The following SLC4A5 variants were observed in gnomAD, a reference collection of about 807,000 sequenced individuals.
SLC4A5 encodes the protein electrogenic sodium bicarbonate cotransporter 4.
SLC4A5 carries 96 observed loss-of-function variants against 120.4 expected under a neutral mutation model. The ratio of observed to expected loss-of-function variants is 0.80; its 90% CI spans 0.68 to 0.94. The LOEUF is 0.94. SLC4A5 is among the 40% of genes least tolerant of loss of function. SLC4A5 has a pLI of 0.00. For missense variants in SLC4A5, 1,259 were observed against 1,459.5 expected (o/e 0.86, Z 2.24); for synonymous variants, 550 against 571.1 (o/e 0.96, Z 0.53).
chr2:74,336,471 A>T (rs2104352194), intron 3 of SLC4A5, among the ~76,000 whole-genome samples: 1 of 152,316 alleles, frequency 6.6e-6, no homozygotes, highest in Non-Finnish European at 1.5e-5. Context: ...TGGTTTCCTC[A>T]TCTGTAAAAT....
At chr2:74,224,675 C>T (rs1405575693) in intron 28 of SLC4A5, among the ~76,000 whole-genome samples, 165 bp downstream of exon 28, 1 of 152,100 alleles carries the variant, frequency 6.6e-6, no homozygotes, top group African/African-American at 2.4e-5. Context: ...ACAGAAGAGC[C>T]CTCAACACCC....
At chr2:74,260,707 C>G (rs1326843572) in intron 11 of SLC4A5, among the ~76,000 whole-genome samples, 1 of 152,180 alleles carries the variant, frequency 6.6e-6, no homozygotes, top group Non-Finnish European at 1.5e-5. Context: ...CCCTTCCTCT[C>G]CATTCTGGAA....
chr2:74,241,183 T>C (rs1449205252), intron 20 of SLC4A5, among the ~76,000 whole-genome samples: 5 of 152,078 alleles, frequency 3.3e-5, no homozygotes, highest in Non-Finnish European at 7.4e-5. Context: ...CAGGCTTTGC[T>C]TACAGCTTTG....
At chr2:74,220,661 C>T (rs1267815279) in intron 30 of SLC4A5, among the ~76,000 whole-genome samples, 5 of 150,522 alleles carry the variant, frequency 3.3e-5, no homozygotes, top group East Asian at 1.9e-4. Context: ...GGACTACAGG[C>T]GCCCACCACC....
chr2:74,252,300 C>A, exon 16 of SLC4A5: 1 of 1,612,840 alleles, frequency 6.2e-7, no homozygotes, highest in Non-Finnish European at 8.5e-7. Flanking sequence ...CCACCACCAC[C>A]ACCTCCATTG....
At chr2:74,326,090 C>G (rs1332476446) in intron 5 of SLC4A5, among the ~76,000 whole-genome samples, 1 of 152,110 alleles carries the variant, frequency 6.6e-6, no homozygotes, top group African/African-American at 2.4e-5. Flanking sequence ...CACAAGACTT[C>G]CCTGGTATTA....
exon 31 of SLC4A5, chr2:74,218,518 G>A (rs547118624): frequency 7.2e-5 from 11 of 152,202 alleles, no homozygotes; most frequent in South Asian, 6.2e-4. Context: ...ATAGGCAGAC[G>A]GACTCCCTCT....
chr2:74,317,157 C>A (rs1672990001), intron 5 of SLC4A5, among the ~76,000 whole-genome samples: 1 of 152,200 alleles, frequency 6.6e-6, no homozygotes, highest in Admixed American at 6.5e-5. Flanking sequence ...TCTGATCTAA[C>A]CCTGAGGCTA....
At position 74,303,117 on chromosome 2, in the gene SLC4A5, C is replaced by CGT. The variant is rs112916158; in HGVS notation, c.271+1370_271+1371dup. ...TGCCTGTGCATGTGGTGTGTGTGTGCGTGTGTGTGTGTGTGTGTGTTGTAT... is the reference window on the plus strand; with the variant it reads ...TGCCTGTGCATGTGGTGTGTGTGTGCGTGTGTGTGTGTGTGTGTGTGTTGTAT... On this transcript the variant is annotated intron_variant, in intron 7 of 30. Transcript: ENST00000394019. Among the ~76,000 whole-genome samples, 744 of 143,250 alleles carry CGT rather than the reference C, an allele frequency of 5.2e-3. 7 individuals carry two copies. Among genetic ancestry groups the CGT allele is most frequent in the African/African-American group, 0.015 (579 of 38,936 alleles). 94.0% of individuals were successfully genotyped at this position (143,250 alleles called of 152,430 possible).
chr2:74,287,984 A>G (rs1417280934), intron 7 of SLC4A5, among the ~76,000 whole-genome samples: 2 of 152,044 alleles, frequency 1.3e-5, no homozygotes, highest in African/African-American at 4.8e-5. Context: ...CTCCTTGCCC[A>G]ATCAGTTCCC....
At chr2:74,260,663 C>T (rs1671106669) in intron 11 of SLC4A5, among the ~76,000 whole-genome samples, 1 of 152,096 alleles carries the variant, frequency 6.6e-6, no homozygotes, top group South Asian at 2.1e-4. Context: ...TCCTCACCTC[C>T]TACTTCCCAC....
At chr2:74,336,771 A>G (rs548492220) in intron 3 of SLC4A5, among the ~76,000 whole-genome samples, 1 of 152,308 alleles carries the variant, frequency 6.6e-6, no homozygotes, top group South Asian at 2.1e-4. Context: ...CTTGTATAAG[A>G]TATTTTTATA....
chr2:74,236,096 A>G (rs1372809973), intron 21 of SLC4A5, among the ~76,000 whole-genome samples: 1 of 152,208 alleles, frequency 6.6e-6, no homozygotes, highest in Non-Finnish European at 1.5e-5. Context: ...GAGGAAAAGC[A>G]AAGTCTCCCA....
chr2:74,327,413 T>C (rs1673242324), intron 5 of SLC4A5, among the ~76,000 whole-genome samples: 1 of 152,190 alleles, frequency 6.6e-6, no homozygotes, highest in Non-Finnish European at 1.5e-5. Flanking sequence ...CACGGGGTCA[T>C]GCTGGGCTTT....
At chr2:74,306,642 T>C in intron 6 of SLC4A5, 2 of 476,722 alleles carry the variant, frequency 4.2e-6, no homozygotes, top group Non-Finnish European at 7.1e-6. Context: ...CAAGGTTTGA[T>C]AGTTCATTTC....
intron 6 of SLC4A5, among the ~76,000 whole-genome samples, chr2:74,313,397 T>C (rs13411120): frequency 0.01 from 1,538 of 152,314 alleles, 15 homozygotes; most frequent in African/African-American, 0.019. Context: ...AAGTTGAATA[T>C]GCTTTAGAGA....
chr2:74,267,033 G>A (rs1671322653), intron 8 of SLC4A5, among the ~76,000 whole-genome samples: 1 of 152,122 alleles, frequency 6.6e-6, no homozygotes, highest in African/African-American at 2.4e-5. Context: ...ATCCTGAGAA[G>A]AAATGAAGAT....
Position 74,315,086 on chromosome 2 carries a change from G to A in SLC4A5, c.-2-61C>T, listed in dbSNP as rs752535604. Reference sequence around the variant, plus strand: ...ACATTAAAAAGGGTAGGATTTCAAGGAGAAATGGTCAAATCCACAGTCATA... The same window carrying A: ...ACATTAAAAAGGGTAGGATTTCAAGAAGAAATGGTCAAATCCACAGTCATA... On this transcript the variant is annotated intron_variant, in intron 5 of 30. Transcript: ENST00000394019. 8 of 1,386,558 alleles carry A rather than the reference G, an allele frequency of 5.8e-6. No homozygotes were observed. The Admixed American group carries it at 8.4e-5, about 15-fold the overall frequency. The allele number at this position is 1,386,558 out of a possible 1,614,324, so 85.9% of individuals were successfully genotyped here.
chr2:74,284,130 G>A lies in SLC4A5; in HGVS notation c.401+1643C>T, dbSNP rs554495178. Among the ~76,000 whole-genome samples, 5 of 150,574 alleles carry A rather than the reference G, an allele frequency of 3.3e-5. No individual in the cohort carries two copies. In the East Asian group the frequency reaches 5.8e-4, roughly 17 times the overall value. On this transcript the variant is annotated intron_variant, in intron 8 of 30. Transcript: ENST00000394019. ...CTCAAAATGTTGGCATTACAGGCATGAGCCACTGTGCCTAGCCCTTATTCC... is the reference window on the plus strand; with the variant it reads ...CTCAAAATGTTGGCATTACAGGCATAAGCCACTGTGCCTAGCCCTTATTCC...
Sources: allele counts gnomAD v4.1 joint callset (sites outside exome capture counted in the v4.1 genomes callset), GRCh38; gene constraint gnomAD v4.1.1; transcripts MANE v1.5; gene names NCBI Gene and HGNC (gene_info 2026-07-23, HGNC 2026-07-21).